Variants in CCDC192 observed in about 807,000 individuals in gnomAD.
CCDC192 encodes the protein coiled-coil domain containing 192.
chr5:127,834,328 C>G (rs184440175), intron 5 of CCDC192, among the ~76,000 whole-genome samples: 11 of 152,268 alleles, frequency 7.2e-5, no homozygotes, highest in South Asian at 6.2e-4. Context: ...TTTTGTTAAA[C>G]TATACAAGCT....
At chr5:127,910,767 C>T (rs772276844) in intron 6 of CCDC192, among the ~76,000 whole-genome samples, 15 of 152,200 alleles carry the variant, frequency 9.9e-5, no homozygotes, top group Non-Finnish European at 1.9e-4. Context: ...ACCCCATACA[C>T]AGGCTAACAG....
At chr5:127,900,382 G>A (rs1311542345) in intron 6 of CCDC192, among the ~76,000 whole-genome samples, 1 of 152,178 alleles carries the variant, frequency 6.6e-6, no homozygotes, top group Admixed American at 6.5e-5. Context: ...GGCCAGTGCA[G>A]ATTCAAGGAT....
chr5:127,881,940 A>G (rs1752370419), intron 6 of CCDC192, among the ~76,000 whole-genome samples: 2 of 152,114 alleles, frequency 1.3e-5, no homozygotes. Flanking sequence ...TTTTAAAACA[A>G]TCCTTGTGAC....
chr5:127,753,532 C>T (rs1754370180), intron 2 of CCDC192, among the ~76,000 whole-genome samples: 1 of 152,016 alleles, frequency 6.6e-6, no homozygotes, highest in Non-Finnish European at 1.5e-5. Flanking sequence ...CACGTCTCTA[C>T]TAAAAATATA....
chr5:127,904,435 A>C (rs1483013459), intron 6 of CCDC192, among the ~76,000 whole-genome samples: 1 of 151,902 alleles, frequency 6.6e-6, no homozygotes, highest in Non-Finnish European at 1.5e-5. Flanking sequence ...AATTCTTAGC[A>C]CATGGTTTGT....
At chr5:127,726,376 C>T (rs1752323126) in intron 2 of CCDC192, among the ~76,000 whole-genome samples, 1 of 152,028 alleles carries the variant, frequency 6.6e-6, no homozygotes, top group Admixed American at 6.6e-5. Flanking sequence ...TTTTTTAGTC[C>T]CCCTTTTCTT....
At chr5:127,796,988 A>C in intron 3 of CCDC192, 115 bp from the exon 4 acceptor site, 2 of 378,872 alleles carry the variant, frequency 5.3e-6, no homozygotes, top group African/African-American at 2.1e-5. Flanking sequence ...TCCAGAAGCT[A>C]TTTTCATATT....
At chr5:127,806,881 A>C (rs1233447448) in intron 5 of CCDC192, among the ~76,000 whole-genome samples, 1 of 152,220 alleles carries the variant, frequency 6.6e-6, no homozygotes, top group Non-Finnish European at 1.5e-5. Flanking sequence ...GAGCAGAAAG[A>C]TGAGCTATTT....
intron 6 of CCDC192, among the ~76,000 whole-genome samples, chr5:127,880,347 C>G (rs1752296023): frequency 6.6e-6 from 1 of 150,658 alleles, no homozygotes. Flanking sequence ...TAAACTATCC[C>G]AAGAACAAAA....
chr5:127,901,598 G>A (rs1327653314), intron 6 of CCDC192, among the ~76,000 whole-genome samples: 3 of 152,194 alleles, frequency 2.0e-5, no homozygotes, highest in African/African-American at 7.2e-5. Context: ...AAGAGAAGAT[G>A]GTTATTTTTG....
At chr5:127,937,604 G>A (rs746401380) in intron 6 of CCDC192, among the ~76,000 whole-genome samples, 11 of 152,182 alleles carry the variant, frequency 7.2e-5, no homozygotes, top group Non-Finnish European at 1.3e-4. Context: ...AAAGTTTCTT[G>A]TTTAAGCCAC....
intron 3 of CCDC192, among the ~76,000 whole-genome samples, chr5:127,759,527 C>T (rs1481966887): frequency 6.6e-6 from 1 of 152,218 alleles, no homozygotes; most frequent in Non-Finnish European, 1.5e-5. Flanking sequence ...TGATCTTGGA[C>T]TGCTCAGCCT....
At chr5:127,761,289 C>T (rs1170628125) in intron 3 of CCDC192, among the ~76,000 whole-genome samples, 1 of 152,172 alleles carries the variant, frequency 6.6e-6, no homozygotes, top group Non-Finnish European at 1.5e-5. Context: ...GGGAACACAG[C>T]AGTAAACAAG....
intron 2 of CCDC192, among the ~76,000 whole-genome samples, chr5:127,719,502 C>T (rs1433847175): frequency 1.6e-5 from 1 of 60,776 alleles, no homozygotes; most frequent in Non-Finnish European, 3.2e-5. Flanking sequence ...TATACACACA[C>T]ATACATATAT....
chr5:127,848,137 T>C (rs1750645681), intron 5 of CCDC192, among the ~76,000 whole-genome samples: 1 of 152,098 alleles, frequency 6.6e-6, no homozygotes, highest in Non-Finnish European at 1.5e-5. Flanking sequence ...AGTTTTCTTA[T>C]CATTACTGCT....
At chr5:127,750,395 T>C (rs937014329) in intron 2 of CCDC192, among the ~76,000 whole-genome samples, 2 of 152,170 alleles carry the variant, frequency 1.3e-5, no homozygotes, top group African/African-American at 4.8e-5. Context: ...CAGGAGCAGG[T>C]TGTTCAGTTT....
chr5:127,933,494 TA>T (rs917537152), intron 6 of CCDC192, among the ~76,000 whole-genome samples: 2 of 152,206 alleles, frequency 1.3e-5, no homozygotes, highest in Non-Finnish European at 2.9e-5. Context: ...TTGGTCTGCT[TA>T]ACTCCCACAC....
rs1040860861 is a variant in CCDC192 at position 127,808,504 on chromosome 5, A to G, written c.411+10342A>G. On this transcript the variant is annotated intron_variant, in intron 5 of 6. Transcript: ENST00000514853. ...CACTTAAAACCCTCAGTGGCTGCCC[A>G]TAGGTCTCCTGATACTCTCCCGCTA... 3.3e-5 allele frequency among the ~76,000 whole-genome samples: 5 copies of G among 152,222 alleles called. No homozygotes were observed. In the East Asian group the frequency reaches 7.7e-4, roughly 24 times the overall value.
intron 2 of CCDC192, among the ~76,000 whole-genome samples, chr5:127,751,479 G>A (rs564198950): frequency 1.3e-5 from 2 of 152,162 alleles, no homozygotes; most frequent in African/African-American, 4.8e-5. Context: ...TCTGCCGAGA[G>A]ATCCGCTATT....
Sources: allele counts gnomAD v4.1 joint callset (sites outside exome capture counted in the v4.1 genomes callset), GRCh38; gene constraint gnomAD v4.1.1; transcripts MANE v1.5; gene names NCBI Gene and HGNC (gene_info 2026-07-23, HGNC 2026-07-21).